POLR3B: variants seen among roughly 807,000 people sequenced by gnomAD.
POLR3B encodes the protein DNA-directed RNA polymerase III subunit RPC2.
A neutral mutation model predicts 147.4 loss-of-function variants in POLR3B; 96 were observed. That is an observed-to-expected ratio of 0.65 (90% CI 0.55 to 0.77). The LOEUF (loss-of-function observed/expected upper bound fraction) is 0.77. Ranked by LOEUF, POLR3B falls within the 30% of genes least tolerant of loss-of-function variation. The pLI is 0.00. For synonymous variants in POLR3B, 461 were observed against 485.9 expected, an observed-to-expected ratio of 0.95 and a Z score of 0.67; for missense variants, 1,036 against 1,413.5, an observed-to-expected ratio of 0.73 and a Z score of 4.28.
intron 12 of POLR3B, among the ~76,000 whole-genome samples, chr12:106,426,220 ATTTGTGTG>A (rs894166185): frequency 2.4e-5 from 2 of 84,718 alleles, no homozygotes; most frequent in Non-Finnish European, 4.8e-5. Flanking sequence ...AGGGCCTGCA[ATTTGTGTG>A]TGTGTGTGTG....
intron 11 of POLR3B, among the ~76,000 whole-genome samples, chr12:106,408,996 G>T (rs529535048): frequency 3.3e-5 from 5 of 152,104 alleles, no homozygotes; most frequent in African/African-American, 1.2e-4. Context: ...GGCATTTTCC[G>T]TAAATATCCA....
chr12:106,430,153 G>A (rs2037488210), intron 13 of POLR3B, 120 bp from the exon 14 acceptor site: 2 of 790,452 alleles, frequency 2.5e-6, no homozygotes, highest in Non-Finnish European at 2.3e-6. Flanking sequence ...CTGAATATAT[G>A]TCATGGTTCT....
intron 23 of POLR3B, among the ~76,000 whole-genome samples, chr12:106,481,672 C>A (rs1202350535): frequency 2.0e-5 from 3 of 152,204 alleles, no homozygotes; most frequent in African/African-American, 7.2e-5. Flanking sequence ...TTTCTCCTTA[C>A]ACGTAGGTTT....
intron 9 of POLR3B, 54 bp from the exon 10 acceptor site, chr12:106,392,977 G>A: frequency 6.2e-7 from 1 of 1,610,268 alleles, no homozygotes; most frequent in East Asian, 2.2e-5. Flanking sequence ...ATAAGCAAAT[G>A]TCAGTGAGTT....
Position 106,469,706 on chromosome 12 carries a change from T to G in POLR3B, c.2713+6086T>G, listed in dbSNP as rs558402839. ...AAGGATTTTATTTCTCCTTCACTTA[T>G]GAAGCTTAGTTTGGCTGGATATGAA... On this transcript the variant is annotated intron_variant, in intron 23 of 27. Transcript: ENST00000228347. Among the ~76,000 whole-genome samples, 180 of 152,348 alleles carry G rather than the reference T, an allele frequency of 1.2e-3. 1 individual carries two copies. The highest frequency in any genetic ancestry group is 6.8e-3 in the Middle Eastern group (2 of 294).
chr12:106,406,678 A>G (rs1223259391), intron 11 of POLR3B, among the ~76,000 whole-genome samples: 3 of 152,172 alleles, frequency 2.0e-5, no homozygotes, highest in Non-Finnish European at 4.4e-5. Flanking sequence ...GTTAGAACCT[A>G]TCTTCTGGCC....
At chr12:106,360,127 C>G (rs1052624154) in intron 1 of POLR3B, among the ~76,000 whole-genome samples, 8 of 152,250 alleles carry the variant, frequency 5.3e-5, no homozygotes, top group Non-Finnish European at 1.0e-4. Context: ...CGACTGTCCT[C>G]TCTTACTTCC....
intron 9 of POLR3B, among the ~76,000 whole-genome samples, chr12:106,390,590 G>C (rs2036901201): frequency 6.6e-6 from 1 of 151,026 alleles, no homozygotes; most frequent in Admixed American, 6.6e-5. Flanking sequence ...TTTTTAAATA[G>C]TGGAGCTTAT....
At position 106,380,050 on chromosome 12, in the gene POLR3B, AG is replaced by A. The variant is rs761939876; in HGVS notation, c.635del (p.Ser212ThrfsTer7). The A allele has an allele frequency of 6.2e-7, 1 of 1,612,754 alleles. No individual in the cohort carries two copies. Among genetic ancestry groups the A allele is most frequent in the Non-Finnish European group, 8.5e-7 (1 of 1,179,016 alleles). On this transcript the variant is annotated frameshift_variant, in exon 9 of 28. Transcript: ENST00000228347. LOFTEE classifies it high-confidence loss of function. The stretch of plus-strand genomic sequence containing the variant: ...TCATAGCTCTACCCATGAGAAAAAA[AG>A]CAGAACCAATATGGCTGTGAAACAA... ...SVTSSTHEKK[S>X]RTNMAVKQGR...
intron 13 of POLR3B, among the ~76,000 whole-genome samples, chr12:106,429,889 T>C (rs1017515365): frequency 6.6e-6 from 1 of 152,222 alleles, no homozygotes; most frequent in South Asian, 2.1e-4. Flanking sequence ...AGCTTCATAC[T>C]AGTTTTCCTT....
chr12:106,420,746 C>T (rs1366935644), intron 12 of POLR3B, among the ~76,000 whole-genome samples: 2 of 152,004 alleles, frequency 1.3e-5, no homozygotes, highest in African/African-American at 4.8e-5. Flanking sequence ...GGTTTAATAG[C>T]ATTTATAGGT....
intron 11 of POLR3B, among the ~76,000 whole-genome samples, chr12:106,407,377 C>A (rs890833928): frequency 1.3e-5 from 2 of 152,052 alleles, no homozygotes; most frequent in African/African-American, 2.4e-5. Flanking sequence ...TGTGATGATT[C>A]GGAGATATAA....
chr12:106,454,316 A>G (rs1180607178), intron 19 of POLR3B, among the ~76,000 whole-genome samples, 186 bp from the exon 20 acceptor site: 4 of 152,226 alleles, frequency 2.6e-5, no homozygotes, highest in African/African-American at 7.2e-5. Flanking sequence ...AACTTTAAAT[A>G]TTAGTGAGAA....
At chr12:106,466,170 T>C (rs552333218) in intron 23 of POLR3B, among the ~76,000 whole-genome samples, 2 of 152,358 alleles carry the variant, frequency 1.3e-5, no homozygotes, top group East Asian at 3.9e-4. Context: ...TGGTATCTCA[T>C]TGTGGTTTGA....
chr12:106,368,710 T>C (rs2036563777), intron 4 of POLR3B, among the ~76,000 whole-genome samples: 1 of 152,216 alleles, frequency 6.6e-6, no homozygotes, highest in Non-Finnish European at 1.5e-5. Flanking sequence ...AGTTCTTTTC[T>C]TTATTTTTTC....
Position 106,437,636 on chromosome 12 carries a change from G to T in POLR3B, c.1857-45G>T, listed in dbSNP as rs58398872. On this transcript the variant is annotated intron_variant, in intron 17 of 27. Coordinates refer to ENST00000228347, the MANE Select transcript of POLR3B (RefSeq NM_018082.6). ...TCCTGTTATTATATAAAATACTGCA[G>T]AAAAATGCTTTTTAATGATGTCTCT... 1,867 of 1,137,288 alleles carry T rather than the reference G, an allele frequency of 1.6e-3. 24 individuals carry two copies. In the African/African-American group the frequency reaches 0.026, roughly 16 times the overall value. The allele number at this position is 1,137,288 out of a possible 1,614,324, so 70.4% of individuals were successfully genotyped here. A position where few individuals can be genotyped will look rare whatever the true frequency, so the allele number is the denominator to read the frequency against.
intron 23 of POLR3B, among the ~76,000 whole-genome samples, chr12:106,485,378 G>A (rs1411744212): frequency 6.6e-6 from 1 of 152,080 alleles, no homozygotes; most frequent in Non-Finnish European, 1.5e-5. Context: ...CCATAAAAAT[G>A]AATATAAGCA....
chr12:106,427,673 G>A lies in POLR3B; in HGVS notation c.1263+315G>A, dbSNP rs139904476. Among the ~76,000 whole-genome samples, 672 of 152,206 alleles carry A rather than the reference G, an allele frequency of 4.4e-3. 4 individuals carry two copies. The highest frequency in any genetic ancestry group is 6.1e-3 in the Non-Finnish European group (416 of 68,018). On this transcript the variant is annotated intron_variant, in intron 13 of 27. Transcript: ENST00000228347. ...TATTTTATTCTGTAGTAAAATTGACGCATTTCAGGCAGGTTTATTAATTAT... is the reference window on the plus strand; with the variant it reads ...TATTTTATTCTGTAGTAAAATTGACACATTTCAGGCAGGTTTATTAATTAT...
At chr12:106,395,971 T>A (rs1379479245) in intron 10 of POLR3B, among the ~76,000 whole-genome samples, 1 of 152,120 alleles carries the variant, frequency 6.6e-6, no homozygotes, top group African/African-American at 2.4e-5. Flanking sequence ...CTCCGTTTTT[T>A]ATGCCTCGCT....
Sources: allele counts gnomAD v4.1 joint callset (sites outside exome capture counted in the v4.1 genomes callset), GRCh38; gene constraint gnomAD v4.1.1; transcripts MANE v1.5; gene names NCBI Gene and HGNC (gene_info 2026-07-23, HGNC 2026-07-21).